The following FRMD6 variants were observed in gnomAD, a reference collection of about 807,000 sequenced individuals.
FRMD6 encodes the protein FERM domain containing 6.
A neutral mutation model predicts 73.2 loss-of-function variants in FRMD6; 37 were observed. The ratio of observed to expected loss-of-function variants is 0.51; its 90% confidence interval spans 0.39 to 0.66. FRMD6 has a LOEUF of 0.66. Ranked by LOEUF, FRMD6 falls within the 30% of genes least tolerant of loss-of-function variation. The pLI is 0.00. For synonymous variants in FRMD6, 273 were observed against 282.2 expected (o/e 0.97, Z 0.33); for missense variants, 714 against 780.5 (o/e 0.91, Z 1.02).
chr14:51,568,199 G>T (rs1230514933), intron 1 of FRMD6, among the ~76,000 whole-genome samples: 3 of 152,242 alleles, frequency 2.0e-5, no homozygotes, highest in Non-Finnish European at 4.4e-5. Flanking sequence ...TACAAGCCTT[G>T]ACTGTGAATG....
chr14:51,669,326 T>C (rs903622660), intron 1 of FRMD6, among the ~76,000 whole-genome samples: 1 of 152,248 alleles, frequency 6.6e-6, no homozygotes, highest in African/African-American at 2.4e-5. Flanking sequence ...TTTGGAGCTA[T>C]TATGAATGAA....
intron 1 of FRMD6, among the ~76,000 whole-genome samples, chr14:51,534,305 G>C (rs762527868): frequency 3.0e-4 from 45 of 152,188 alleles, no homozygotes; most frequent in Non-Finnish European, 5.3e-4. Context: ...GAAAGATTTT[G>C]TCACTCTACC....
At chr14:51,540,128 G>A (rs1886125083) in intron 1 of FRMD6, among the ~76,000 whole-genome samples, 1 of 152,178 alleles carries the variant, frequency 6.6e-6, no homozygotes, top group African/African-American at 2.4e-5. Context: ...CTTTGGTGAT[G>A]GCATAGATCC....
chr14:51,644,708 T>C (rs1361361645), intron 2 of FRMD6, among the ~76,000 whole-genome samples: 4 of 152,230 alleles, frequency 2.6e-5, no homozygotes, highest in African/African-American at 4.8e-5. Flanking sequence ...AATTGGGGTA[T>C]AAGTGTGACA....
At chr14:51,649,806 TAG>T (rs1475573089), upstream of FRMD6, 2 of 152,174 alleles carry the variant, frequency 1.3e-5, no homozygotes, top group Non-Finnish European at 2.9e-5. Flanking sequence ...TCACCCAGGC[TAG>T]AGTCCCGTGG....
At chr14:51,632,376 T>A (rs1257039334) in intron 2 of FRMD6, among the ~76,000 whole-genome samples, 1 of 152,136 alleles carries the variant, frequency 6.6e-6, no homozygotes. Context: ...TAAAATACGC[T>A]TAGGAAACAC....
chr14:51,532,240 G>A (rs28637468), intron 1 of FRMD6, among the ~76,000 whole-genome samples: 52,033 of 151,558 alleles, frequency 0.34, 9,286 homozygotes, highest in African/African-American at 0.45. Context: ...GTGGTGGCGG[G>A]CACCTGTAGT....
At chr14:51,624,019 G>T (rs1401133567) in intron 2 of FRMD6, among the ~76,000 whole-genome samples, 1 of 152,142 alleles carries the variant, frequency 6.6e-6, no homozygotes, top group East Asian at 1.9e-4. Flanking sequence ...TGGATCTGGA[G>T]GTCGTCATCC....
At chr14:51,624,573 G>T (rs957796155) in intron 2 of FRMD6, among the ~76,000 whole-genome samples, 13 of 152,132 alleles carry the variant, frequency 8.5e-5, no homozygotes, top group African/African-American at 3.1e-4. Context: ...TAGGGTGCAT[G>T]GTATGAGCGT....
the FRMD6 span, among the ~76,000 whole-genome samples, chr14:51,419,738 A>G: frequency 6.6e-6 from 1 of 152,074 alleles, no homozygotes; most frequent in Non-Finnish European, 1.5e-5. Flanking sequence ...AGCTTATTTG[A>G]TTTTCTTTCA....
chr14:51,527,445 T>C (rs1195001727), intron 1 of FRMD6, among the ~76,000 whole-genome samples: 3 of 152,112 alleles, frequency 2.0e-5, no homozygotes, highest in African/African-American at 4.8e-5. Context: ...TTAGGCAAGT[T>C]AGTAATCAAG....
intron 2 of FRMD6, among the ~76,000 whole-genome samples, chr14:51,595,652 G>T (rs1209431163): frequency 6.6e-6 from 1 of 152,152 alleles, no homozygotes; most frequent in African/African-American, 2.4e-5. Context: ...TCTGTTTCAT[G>T]GAAAAGCCAA....
chr14:51,464,546 G>T, the FRMD6 span, among the ~76,000 whole-genome samples: 1 of 152,212 alleles, frequency 6.6e-6, no homozygotes, highest in Non-Finnish European at 1.5e-5. Context: ...TATTTCTGAA[G>T]GCGGGGATGG....
the FRMD6 span, among the ~76,000 whole-genome samples, chr14:51,402,440 C>T: frequency 1.3e-5 from 2 of 152,068 alleles, no homozygotes; most frequent in East Asian, 3.9e-4. Context: ...GAGTGGGCCT[C>T]ACAAGATCTG....
intron 2 of FRMD6, among the ~76,000 whole-genome samples, chr14:51,694,665 G>T (rs751664942): frequency 3.3e-5 from 5 of 152,128 alleles, no homozygotes; most frequent in Non-Finnish European, 5.9e-5. Context: ...ACTCCAGGTT[G>T]GGCAACGGAG....
At chr14:51,620,068 G>A (rs532359552) in intron 2 of FRMD6, among the ~76,000 whole-genome samples, 2 of 152,218 alleles carry the variant, frequency 1.3e-5, no homozygotes, top group African/African-American at 2.4e-5. Context: ...AAAATGAGGT[G>A]ACTAAACTAA....
At chr14:51,594,859 C>G (rs1198397062) in intron 2 of FRMD6, among the ~76,000 whole-genome samples, 5 of 152,176 alleles carry the variant, frequency 3.3e-5, no homozygotes, top group Non-Finnish European at 7.3e-5. Context: ...TGTTATTTAC[C>G]GGTGGCAAGA....
intron 2 of FRMD6, among the ~76,000 whole-genome samples, chr14:51,697,220 A>G (rs1896006841): frequency 6.6e-6 from 1 of 152,194 alleles, no homozygotes; most frequent in South Asian, 2.1e-4. Context: ...ACTCCCATGT[A>G]TATTGCAGTA....
At chr14:51,600,450 C>A (rs1889976547) in intron 2 of FRMD6, among the ~76,000 whole-genome samples, 1 of 152,204 alleles carries the variant, frequency 6.6e-6, no homozygotes, top group Non-Finnish European at 1.5e-5. Flanking sequence ...ATTACAATTA[C>A]CAAAGGGAGA....
Sources: allele counts gnomAD v4.1 joint callset (sites outside exome capture counted in the v4.1 genomes callset), GRCh38; gene constraint gnomAD v4.1.1; transcripts MANE v1.5; gene names NCBI Gene and HGNC (gene_info 2026-07-23, HGNC 2026-07-21).